Variants in HDAC9 observed in about 807,000 individuals in gnomAD.
The protein encoded by HDAC9 is histone deacetylase 9.
Under a neutral mutation model 139.4 loss-of-function variants are expected in HDAC9, and 41 were observed. The observed-to-expected ratio is 0.29, with a 90% CI of 0.23 to 0.38. The LOEUF (loss-of-function observed/expected upper bound fraction) is 0.38, where lower values mean the gene tolerates loss of function less well. Ranked by LOEUF, HDAC9 falls within the 10% of genes least tolerant of loss-of-function variation. The pLI is 1.00. For missense variants in HDAC9, 1,147 were observed against 1,297.0 expected, an observed-to-expected ratio of 0.88 and a Z score of 1.78; for synonymous variants, 517 against 476.2, an observed-to-expected ratio of 1.09 and a Z score of -1.12.
chr7:18,130,927 G>A (rs960305556), intron 1 of HDAC9, among the ~76,000 whole-genome samples: 1 of 152,010 alleles, frequency 6.6e-6, no homozygotes, highest in African/African-American at 2.4e-5. Flanking sequence ...TCCAAACTTC[G>A]AAGAGTTTCC....
At chr7:18,514,614 GCTAT>G (rs754594148) in intron 2 of HDAC9, among the ~76,000 whole-genome samples, 1 of 152,130 alleles carries the variant, frequency 6.6e-6, no homozygotes, top group Non-Finnish European at 1.5e-5. Flanking sequence ...ATTGTTTCCA[GCTAT>G]CTTTTTTCCC....
chr7:18,181,548 T>C (rs1310956841), intron 2 of HDAC9, among the ~76,000 whole-genome samples: 2 of 152,210 alleles, frequency 1.3e-5, no homozygotes, highest in East Asian at 3.8e-4. Context: ...GACCAGAAAG[T>C]ATTTTACAGA....
At chr7:18,938,595 CAAA>C (rs533433564) in intron 23 of HDAC9, among the ~76,000 whole-genome samples, 3 of 150,928 alleles carry the variant, frequency 2.0e-5, no homozygotes, top group African/African-American at 7.3e-5. Flanking sequence ...GACTCCGTCT[CAAA>C]AAAAATAATA....
chr7:18,715,186 T>C (rs999258937), intron 12 of HDAC9, among the ~76,000 whole-genome samples: 3 of 152,074 alleles, frequency 2.0e-5, no homozygotes, highest in Admixed American at 1.3e-4. Context: ...TTTTCTTACA[T>C]GCTATGAGTT....
At chr7:18,137,304 C>T (rs1369857169) in intron 1 of HDAC9, among the ~76,000 whole-genome samples, 2 of 146,034 alleles carry the variant, frequency 1.4e-5, no homozygotes, top group Non-Finnish European at 3.0e-5. Flanking sequence ...ATTTCCTTCT[C>T]CTGCCTAATT....
intron 2 of HDAC9, among the ~76,000 whole-genome samples, chr7:18,252,298 G>T (rs1271743860): frequency 1.3e-5 from 2 of 152,156 alleles, no homozygotes; most frequent in Non-Finnish European, 2.9e-5. Context: ...AGAACTACAG[G>T]CAGATTGTCT....
Position 18,226,535 on chromosome 7 carries a change from TA to T in HDAC9, c.25+64189del, listed in dbSNP as rs112103843. On this transcript the variant is annotated intron_variant, in intron 2 of 12. Transcript: ENST00000417496. ...GTAGTGCTCCTTCCATAAAAAAAAC[TA>T]AAGGAGTGGGGAAGAATCATTCCCT... Among the ~76,000 whole-genome samples the T allele has an allele frequency of 5.8e-4, 89 of 152,144 alleles. 1 individual carries two copies. Among genetic ancestry groups the T allele is most frequent in the African/African-American group, 2.0e-3 (82 of 41,514 alleles).
chr7:18,465,109 A>G (rs1346712996), intron 1 of HDAC9, among the ~76,000 whole-genome samples: 1 of 152,008 alleles, frequency 6.6e-6, no homozygotes. Context: ...ACAAGTGTTG[A>G]TTCTTTTTAC....
chr7:18,409,350 C>T (rs1273366115), intron 1 of HDAC9, among the ~76,000 whole-genome samples: 1 of 152,098 alleles, frequency 6.6e-6, no homozygotes, highest in African/African-American at 2.4e-5. Context: ...AAAATGGAGA[C>T]TTTAATACTC....
At chr7:18,545,412 T>C (rs1269106554) in intron 2 of HDAC9, among the ~76,000 whole-genome samples, 1 of 152,170 alleles carries the variant, frequency 6.6e-6, no homozygotes, top group East Asian at 1.9e-4. Flanking sequence ...GTTTGTGAAG[T>C]TGGGTAGTGA....
At chr7:18,440,627 C>G (rs1207871007) in intron 1 of HDAC9, among the ~76,000 whole-genome samples, 1 of 152,066 alleles carries the variant, frequency 6.6e-6, no homozygotes, top group Non-Finnish European at 1.5e-5. Flanking sequence ...TTTTCTATTT[C>G]TGATATTATT....
intron 1 of HDAC9, among the ~76,000 whole-genome samples, chr7:18,293,670 T>G (rs1463793818): frequency 6.6e-6 from 1 of 152,042 alleles, no homozygotes; most frequent in Non-Finnish European, 1.5e-5. Flanking sequence ...TGGTTTAGGG[T>G]CGGAAATTTC....
At chr7:18,659,827 T>TGTTTC (rs1304371819) in intron 11 of HDAC9, among the ~76,000 whole-genome samples, 2 of 152,144 alleles carry the variant, frequency 1.3e-5, no homozygotes, top group African/African-American at 4.8e-5. Flanking sequence ...GTCCCACAGA[T>TGTTTC]GTTTCGTCTT....
At chr7:18,205,443 T>G (rs905814201) in intron 2 of HDAC9, among the ~76,000 whole-genome samples, 1 of 152,058 alleles carries the variant, frequency 6.6e-6, no homozygotes, top group Non-Finnish European at 1.5e-5. Context: ...TCCCCACTCA[T>G]AGTAATCAAA....
chr7:18,688,820 T>C (rs1460365895), intron 12 of HDAC9, among the ~76,000 whole-genome samples: 1 of 151,890 alleles, frequency 6.6e-6, no homozygotes, highest in African/African-American at 2.4e-5. Context: ...AGGACCCTAA[T>C]GGTTACAGAG....
intron 1 of HDAC9, among the ~76,000 whole-genome samples, chr7:18,122,035 C>T (rs80313220): frequency 0.016 from 2,435 of 152,204 alleles, 69 homozygotes; most frequent in African/African-American, 0.056. Flanking sequence ...TGCCAGTTCC[C>T]CAGAAACCAA....
intron 10 of HDAC9, among the ~76,000 whole-genome samples, 162 bp downstream of exon 10, chr7:18,648,160 T>C (rs545898276): frequency 2.7e-4 from 41 of 152,262 alleles, no homozygotes; most frequent in Admixed American, 2.4e-3. Context: ...TCTTTATTTA[T>C]TCCTTCAGAT....
intron 22 of HDAC9, among the ~76,000 whole-genome samples, chr7:18,925,778 C>A (rs192777603): frequency 2.5e-3 from 374 of 151,972 alleles, no homozygotes; most frequent in Middle Eastern, 0.014. Context: ...CCCTCACCCC[C>A]ATCTTTGAAC....
chr7:18,676,893 T>G (rs1781551666), intron 12 of HDAC9, among the ~76,000 whole-genome samples: 3 of 151,952 alleles, frequency 2.0e-5, no homozygotes, highest in Admixed American at 1.3e-4. Flanking sequence ...TCCTGGGGTT[T>G]TTGGCATGCT....
Sources: allele counts gnomAD v4.1 joint callset (sites outside exome capture counted in the v4.1 genomes callset), GRCh38; gene constraint gnomAD v4.1.1; transcripts MANE v1.5; gene names NCBI Gene and HGNC (gene_info 2026-07-23, HGNC 2026-07-21).